Variants in MARK2 observed in about 807,000 individuals in gnomAD.
MARK2 encodes microtubule affinity regulating kinase 2.
MARK2 carries 16 observed loss-of-function variants against 89.8 expected under a neutral mutation model. The observed-to-expected ratio is 0.18, with a 90% CI of 0.12 to 0.27. The LOEUF is 0.27. MARK2 is among the 10% of genes least tolerant of loss of function. MARK2 has a pLI of 1.00. For synonymous variants in MARK2, 382 were observed against 399.5 expected (o/e 0.96, Z 0.52); for missense variants, 621 against 1,049.9 (o/e 0.59, Z 5.65).
chr11:63,877,669 C>T (rs535714252), intron 1 of MARK2, among the ~76,000 whole-genome samples: 4 of 152,146 alleles, frequency 2.6e-5, no homozygotes, highest in African/African-American at 9.6e-5. Context: ...CACTGCACTC[C>T]AGCATGGTGA....
At position 63,902,993 on chromosome 11, in the gene MARK2, T is replaced by G; in HGVS notation, c.1417-68T>G. The G allele has an allele frequency of 7.2e-7, 1 of 1,381,370 alleles. No homozygotes were observed. The highest frequency in any genetic ancestry group is 1.0e-6 in the Non-Finnish European group (1 of 970,516). The allele number at this position is 1,381,370 out of a possible 1,614,324, so 85.6% of individuals were successfully genotyped here. Reference sequence around the variant, plus strand: ...GGACAGGAAGCCTGTTCCATGAACCTGGGGGGAGAACCTGGCTGTAGACCA... The same window carrying G: ...GGACAGGAAGCCTGTTCCATGAACCGGGGGGGAGAACCTGGCTGTAGACCA... On this transcript the variant is annotated intron_variant, in intron 13 of 18. Transcript: ENST00000402010. This position sits in a 1 kb window ranked among gnomAD's most constrained non-coding sequence, Gnocchi z 4.2.
At chr11:63,842,591 G>T (rs933753618) in intron 1 of MARK2, among the ~76,000 whole-genome samples, 1 of 152,062 alleles carries the variant, frequency 6.6e-6, no homozygotes, top group African/African-American at 2.4e-5. Flanking sequence ...ACTGGCCTCC[G>T]AGAATAGATC....
At chr11:63,856,308 G>GTTTT (rs771771264) in intron 1 of MARK2, among the ~76,000 whole-genome samples, 1 of 87,264 alleles carries the variant, frequency 1.1e-5, no homozygotes, top group African/African-American at 3.7e-5. Flanking sequence ...GGCCCTGTGG[G>GTTTT]TTTTTTTTTT....
At position 63,902,448 on chromosome 11, in the gene MARK2, G is replaced by A; in HGVS notation, c.1234+118G>A. On this transcript the variant is annotated intron_variant, in intron 12 of 18. Coordinates refer to ENST00000402010, the MANE Select transcript of MARK2 (RefSeq NM_001039469.3). The surrounding 1 kb of genome is among the most constrained non-coding windows in gnomAD (Gnocchi z 4.2). ...GTCCTGGTTCAGCCACTTATTAGTA[G>A]TGTGGCTATGGGCAAGCCACTTCCC... 1 of 1,432,668 alleles carries A rather than the reference G, an allele frequency of 7.0e-7. No homozygotes were observed. The highest frequency in any genetic ancestry group is 9.7e-7 in the Non-Finnish European group (1 of 1,034,246). The allele number at this position is 1,432,668 out of a possible 1,614,324, so 88.7% of individuals were successfully genotyped here. A position where few individuals can be genotyped will look rare whatever the true frequency, so the allele number is the denominator to read the frequency against.
intron 1 of MARK2, among the ~76,000 whole-genome samples, chr11:63,886,683 CAA>C (rs550262886): frequency 5.3e-4 from 81 of 152,340 alleles, no homozygotes; most frequent in Non-Finnish European, 7.8e-4. Context: ...CTCGGCCTCT[CAA>C]AGTGCTGGGA....
At chr11:63,905,171 AG>A (rs1485746750) in intron 16 of MARK2, 128 bp downstream of exon 16, 5 of 1,092,782 alleles carry the variant, frequency 4.6e-6, no homozygotes, top group East Asian at 2.4e-5. Flanking sequence ...GGGTTAGAAG[AG>A]GCTTCAGGAA....
chr11:63,862,422 C>G (rs1275860675), intron 1 of MARK2, among the ~76,000 whole-genome samples: 1 of 151,920 alleles, frequency 6.6e-6, no homozygotes, highest in Non-Finnish European at 1.5e-5. Flanking sequence ...AGATAGTTTC[C>G]TTAGGATTAG....
chr11:63,843,893 T>C (rs2016146207), intron 1 of MARK2, among the ~76,000 whole-genome samples: 1 of 152,066 alleles, frequency 6.6e-6, no homozygotes, highest in African/African-American at 2.4e-5. Context: ...TTTTTTTGCT[T>C]TTGGTGTAAC....
Position 63,887,602 on chromosome 11 carries a change from C to A in MARK2, c.55-7557C>A, listed in dbSNP as rs902832150. ...TCCCTAGAGGGTTAATGGCTACCAA[C>A]GTGAGAAGGTCACGGAGTTCCTTAA... On this transcript the variant is annotated intron_variant, in intron 1 of 18. Transcript: ENST00000402010. Among the ~76,000 whole-genome samples, 3 of 152,314 alleles carry A rather than the reference C, an allele frequency of 2.0e-5. No individual in the cohort carries two copies. In the South Asian group the frequency reaches 6.2e-4, roughly 32 times the overall value.
At chr11:63,852,577 A>G (rs1429496531) in intron 1 of MARK2, among the ~76,000 whole-genome samples, 1 of 151,896 alleles carries the variant, frequency 6.6e-6, no homozygotes, top group Non-Finnish European at 1.5e-5. Flanking sequence ...TTTTCAACCC[A>G]TAGCTGCAAC....
At chr11:63,892,320 A>C (rs1565129454) in intron 1 of MARK2, among the ~76,000 whole-genome samples, 1 of 152,216 alleles carries the variant, frequency 6.6e-6, no homozygotes, top group East Asian at 1.9e-4. Flanking sequence ...CAAAGGCCCT[A>C]CGTGGGCACA....
chr11:63,895,158 G>A lies in MARK2; in HGVS notation c.55-1G>A. 1 of 1,611,530 alleles carries A rather than the reference G, an allele frequency of 6.2e-7. No individual in the cohort carries two copies. Among genetic ancestry groups the A allele is most frequent in the Non-Finnish European group, 8.5e-7 (1 of 1,178,220 alleles). On this transcript the variant is annotated splice_acceptor_variant, in intron 1 of 18. Coordinates refer to ENST00000402010, the MANE Select transcript of MARK2 (RefSeq NM_001039469.3). LOFTEE classifies it high-confidence loss of function. ...ATGGTATCTCTGTTTCCACCCCGCA[G>A]CCCACCTTGGGACACCTTGACTCCA...
chr11:63,864,410 C>T (rs752431392), intron 1 of MARK2, among the ~76,000 whole-genome samples: 10 of 151,988 alleles, frequency 6.6e-5, no homozygotes, highest in East Asian at 3.9e-4. Flanking sequence ...GCACCACCAC[C>T]GGCTAATTTT....
intron 1 of MARK2, chr11:63,880,219 A>C (rs1231510720): frequency 2.0e-5 from 3 of 150,120 alleles, no homozygotes; most frequent in African/African-American, 2.5e-5. Context: ...GGAGGAGATG[A>C]TTATGCTGGG....
intron 1 of MARK2, among the ~76,000 whole-genome samples, chr11:63,863,162 C>T (rs926729775): frequency 1.3e-5 from 2 of 152,154 alleles, no homozygotes; most frequent in African/African-American, 4.8e-5. Context: ...TATGCCACTA[C>T]TTCCTGTTTG....
At chr11:63,898,955 G>A in intron 6 of MARK2, 97 bp from the exon 7 acceptor site, 4 of 1,222,220 alleles carry the variant, frequency 3.3e-6, no homozygotes, top group Non-Finnish European at 4.9e-6. Flanking sequence ...GCTTATCCGT[G>A]TGGCAGGTTA....
intron 1 of MARK2, among the ~76,000 whole-genome samples, chr11:63,842,781 C>T (rs1464456330): frequency 6.6e-6 from 1 of 152,052 alleles, no homozygotes; most frequent in Non-Finnish European, 1.5e-5. Flanking sequence ...ACTGGTTTTA[C>T]CAGAAAATAG....
In MARK2 at chr11:63,856,327, T is replaced by G. The variant is rs555275477; in HGVS notation, c.54+16767T>G. On this transcript the variant is annotated intron_variant, in intron 1 of 18. Transcript: ENST00000402010. ...CTGTGGGTTTTTTTTTTTTGTTTTT[T>G]TTTTTTTTTTAAATATATGGCTTGT... Among the ~76,000 whole-genome samples, 275 of 148,752 alleles carry G rather than the reference T, an allele frequency of 1.8e-3. 2 individuals are homozygous for G. Among genetic ancestry groups the G allele is most frequent in the African/African-American group, 4.1e-3 (164 of 40,164 alleles).
At position 63,900,224 on chromosome 11, in the gene MARK2, A is replaced by T. The variant is rs1940749911; in HGVS notation, c.768+114A>T. The T allele has an allele frequency of 6.0e-6, 5 of 827,958 alleles. No individual in the cohort carries two copies. The East Asian group carries it at 1.2e-4, about 20-fold the overall frequency. 51.3% of individuals were successfully genotyped at this position (827,958 alleles called of 1,614,324 possible). A position where few individuals can be genotyped will look rare whatever the true frequency, so the allele number is the denominator to read the frequency against. ...CATTTGTCCCAAGCCAAAGCTTCAG[A>T]GAAGGGCTTGCTGAGGTAGCAGCAG... On this transcript the variant is annotated intron_variant, in intron 8 of 18. Transcript: ENST00000402010. This position sits in a 1 kb window ranked among gnomAD's most constrained non-coding sequence, Gnocchi z 4.7.
Sources: allele counts gnomAD v4.1 joint callset (sites outside exome capture counted in the v4.1 genomes callset), GRCh38; gene constraint gnomAD v4.1.1; non-coding constraint Gnocchi (gnomAD v3.1); transcripts MANE v1.5; gene names NCBI Gene and HGNC (gene_info 2026-07-23, HGNC 2026-07-21).